The following RFFL variants were observed in gnomAD, a reference collection of about 807,000 sequenced individuals.
The protein encoded by RFFL is ring finger and FYVE like domain containing E3 ubiquitin protein ligase, also known as E3 ubiquitin-protein ligase rififylin.
Under a neutral mutation model 40.4 loss-of-function variants are expected in RFFL, and 16 were observed. That is an observed-to-expected ratio of 0.40 (90% CI 0.27 to 0.60). The LOEUF (loss-of-function observed/expected upper bound fraction) is 0.60, where lower values mean the gene tolerates loss of function less well. Ranked by LOEUF, RFFL falls within the 20% of genes least tolerant of loss-of-function variation. RFFL has a pLI of 0.47. For missense variants in RFFL, 367 were observed against 451.7 expected, an observed-to-expected ratio of 0.81 and a Z score of 1.70; for synonymous variants, 154 against 167.9, an observed-to-expected ratio of 0.92 and a Z score of 0.64.
At chr17:35,059,893 A>C (rs2142366633) in intron 1 of RFFL, among the ~76,000 whole-genome samples, 1 of 152,328 alleles carries the variant, frequency 6.6e-6, no homozygotes, top group Middle Eastern at 3.4e-3. Flanking sequence ...TATCCTCTCA[A>C]GTATGAGAGA....
chr17:35,021,454 C>A lies in RFFL; in HGVS notation c.508G>T (p.Val170Phe), dbSNP rs1259805224. 1.3e-6 allele frequency: 2 copies of A among 1,555,136 alleles called. No homozygotes were observed. The highest frequency in any genetic ancestry group is 1.7e-6 in the Non-Finnish European group (2 of 1,153,244). Residue 170 changes from valine (V) to phenylalanine (F), a missense_variant, in exon 3 of 7, where the codon GTT becomes TTT. Coordinates refer to ENST00000394597, the MANE Select transcript of RFFL (RefSeq NM_001017368.2). The stretch of plus-strand genomic sequence containing the variant: ...GGGAGGTTGGGTGAGGTAGGTGGAA[C>A]CATGCTGGAGTGAGGCTGGGTCAGG... ...AFLTQPHSSM[V>F]PPTSPNLPSS...
intron 1 of RFFL, among the ~76,000 whole-genome samples, chr17:35,077,725 C>T (rs2091384131): frequency 6.6e-6 from 1 of 152,222 alleles, no homozygotes; most frequent in Admixed American, 6.5e-5. Context: ...CTTGATCAAC[C>T]CATGGCCTCC....
chr17:35,033,320 GGAGTTC>G (rs933387709), intron 1 of RFFL, among the ~76,000 whole-genome samples: 1 of 151,876 alleles, frequency 6.6e-6, no homozygotes, highest in African/African-American at 2.4e-5. Flanking sequence ...CCTGAGGTCA[GGAGTTC>G]GAGACCAGCC....
chr17:35,057,770 T>C (rs2091269320), intron 1 of RFFL, among the ~76,000 whole-genome samples: 1 of 151,456 alleles, frequency 6.6e-6, no homozygotes, highest in South Asian at 2.1e-4. Context: ...GAACAATAAA[T>C]TTCCCATTCA....
At position 35,009,716 on chromosome 17, in the gene RFFL, C is replaced by G. The variant is rs373138355; in HGVS notation, c.*2252G>C. ...TTTTAATTCTTACTGAGGTTACTAA[C>G]CAGCTATCAGTATATTATTTTCGAT... On this transcript the variant is annotated 3_prime_UTR_variant, in exon 7 of 7. Coordinates refer to ENST00000394597, the MANE Select transcript of RFFL (RefSeq NM_001017368.2). The G allele has an allele frequency of 2.0e-4, 30 of 152,228 alleles. No homozygotes were observed. The highest frequency in any genetic ancestry group is 6.7e-4 in the African/African-American group (28 of 41,504). 9.4% of individuals were successfully genotyped at this position (152,228 alleles called of 1,614,324 possible).
chr17:35,065,531 G>A (rs1176699413), upstream of RFFL, among the ~76,000 whole-genome samples: 3 of 149,996 alleles, frequency 2.0e-5, no homozygotes, highest in African/African-American at 7.4e-5. Flanking sequence ...ACTCCAGCCT[G>A]GGCAACAACA....
intron 1 of RFFL, among the ~76,000 whole-genome samples, chr17:35,041,892 G>A (rs1018591771): frequency 1.3e-5 from 2 of 152,122 alleles, no homozygotes; most frequent in African/African-American, 4.8e-5. Context: ...GCACATGCCT[G>A]TAGTCCCAGC....
At chr17:35,026,353 G>A (rs775972000) in intron 2 of RFFL, 21 bp downstream of exon 2, 6 of 1,611,278 alleles carry the variant, frequency 3.7e-6, no homozygotes, top group Non-Finnish European at 5.1e-6. Flanking sequence ...TGGCAGAGCA[G>A]GCCAAGAAGT....
chr17:35,086,385 C>T (rs2091429405), intron 1 of RFFL, among the ~76,000 whole-genome samples: 1 of 151,244 alleles, frequency 6.6e-6, no homozygotes, highest in Non-Finnish European at 1.5e-5. Context: ...ACTTGGGAGG[C>T]GAGGATTGCG....
upstream of RFFL, chr17:35,063,924 C>T (rs187478821): frequency 1.3e-5 from 2 of 152,290 alleles, no homozygotes; most frequent in East Asian, 3.9e-4. Context: ...AACCTCATTC[C>T]CCCACTACTG....
At chr17:35,062,229 A>G (rs1597837142) in intron 1 of RFFL, among the ~76,000 whole-genome samples, 1 of 151,822 alleles carries the variant, frequency 6.6e-6, no homozygotes, top group Non-Finnish European at 1.5e-5. Context: ...ATGGTGAAAC[A>G]CTGTCTCTAC....
At chr17:35,070,517 C>T (rs1391842970) in intron 1 of RFFL, among the ~76,000 whole-genome samples, 2 of 152,122 alleles carry the variant, frequency 1.3e-5, no homozygotes, top group Non-Finnish European at 2.9e-5. Flanking sequence ...TAAACCAAAA[C>T]AATTTGAAAA....
intron 1 of RFFL, among the ~76,000 whole-genome samples, chr17:35,034,596 T>C (rs1227064429): frequency 6.6e-6 from 1 of 151,994 alleles, no homozygotes; most frequent in East Asian, 1.9e-4. Context: ...TGGCGCGATC[T>C]TGGCTCACTG....
intron 1 of RFFL, among the ~76,000 whole-genome samples, chr17:35,071,935 A>C (rs546142739): frequency 6.6e-6 from 1 of 152,040 alleles, no homozygotes; most frequent in Non-Finnish European, 1.5e-5. Flanking sequence ...TAAGTGAAAA[A>C]TGCCGGGTTC....
In RFFL at chr17:35,006,029, A is replaced by G. The variant is rs1353719928; in HGVS notation, c.*5939T>C. 5 of 252,812 alleles carry G rather than the reference A, an allele frequency of 2.0e-5. No homozygotes were observed. The highest frequency in any genetic ancestry group is 1.5e-4 in the Admixed American group (3 of 19,426). 15.7% of individuals were successfully genotyped at this position (252,812 alleles called of 1,614,324 possible). A position where few individuals can be genotyped will look rare whatever the true frequency, so the allele number is the denominator to read the frequency against. Reference sequence around the variant, plus strand: ...TAGTTTTTAATTTCTTAAAGAAAATATACTCCATATCTGCAGGGAAAAAAA... The same window carrying G: ...TAGTTTTTAATTTCTTAAAGAAAATGTACTCCATATCTGCAGGGAAAAAAA... On this transcript the variant is annotated 3_prime_UTR_variant, in exon 7 of 7. Coordinates refer to ENST00000394597, the MANE Select transcript of RFFL (RefSeq NM_001017368.2).
In RFFL at chr17:35,044,964, C is replaced by A. The variant is rs146652435; in HGVS notation, c.-8-18403G>T. On this transcript the variant is annotated intron_variant, in intron 1 of 6. Coordinates refer to ENST00000394597, the MANE Select transcript of RFFL (RefSeq NM_001017368.2). ...ACAGCTCACTGCAGCCTCGATCTCC[C>A]AGGCTCAAGTGATCCTCCCACCTCA... is the stretch of plus-strand genomic sequence containing the variant. Among the ~76,000 whole-genome samples the A allele has an allele frequency of 9.9e-3, 1,513 of 152,126 alleles. 14 individuals carry two copies. The highest frequency in any genetic ancestry group is 0.046 in the South Asian group (222 of 4,816).
At chr17:35,076,714 ATAATAATAG>A (rs933796775) in intron 1 of RFFL, 5 of 145,700 alleles carry the variant, frequency 3.4e-5, no homozygotes, top group Non-Finnish European at 6.0e-5. Flanking sequence ...AATAATAATA[ATAATAATAG>A]TAACAGAAGC....
chr17:35,037,542 T>G (rs2091131519), intron 1 of RFFL, among the ~76,000 whole-genome samples: 2 of 152,242 alleles, frequency 1.3e-5, no homozygotes, highest in Admixed American at 1.3e-4. Context: ...GGAAGAATGC[T>G]TATTTGCCAG....
intron 1 of RFFL, among the ~76,000 whole-genome samples, chr17:35,076,277 G>A (rs912912871): frequency 6.6e-6 from 1 of 152,002 alleles, no homozygotes; most frequent in Non-Finnish European, 1.5e-5. Flanking sequence ...TTACAGGCAT[G>A]AGCCACCATG....
Sources: gnomAD v4.1 joint callset for allele counts (sites outside exome capture counted in the v4.1 genomes callset) on GRCh38, gnomAD v4.1.1 for gene constraint, MANE v1.5 for transcripts, NCBI Gene and HGNC (gene_info 2026-07-23, HGNC 2026-07-21) for gene names.